DMD: variants seen among roughly 807,000 people sequenced by gnomAD.
DMD encodes the protein dystrophin.
DMD carries 63 observed loss-of-function variants against 330.1 expected under a neutral mutation model. That is an observed-to-expected ratio of 0.19 (90% confidence interval 0.16 to 0.24). DMD has a LOEUF of 0.24. Among genes scored for constraint, DMD ranks in the 10% least tolerant of loss-of-function variants. DMD has a pLI of 1.00. For missense variants in DMD, 3,344 were observed against 2,684.1 expected (o/e 1.25, Z -5.43); for synonymous variants, 1,223 against 959.8 (o/e 1.27, Z -5.07).
At chrX:32,573,076 C>A (rs2052609619) in intron 15 of DMD, among the ~76,000 whole-genome samples, 2 of 111,506 alleles carry the variant, frequency 1.8e-5, no homozygotes, top group South Asian at 7.5e-4. Flanking sequence ...CCAGTTAAAC[C>A]TCTTTATTTC....
chrX:33,034,498 T>C (rs1432898492), intron 1 of DMD, among the ~76,000 whole-genome samples: 4 of 112,051 alleles, frequency 3.6e-5, no homozygotes, highest in Non-Finnish European at 7.5e-5. Context: ...TTTGGATGAA[T>C]GTTCCCACTT....
At chrX:31,652,676 A>G (rs1328647183) in intron 54 of DMD, among the ~76,000 whole-genome samples, 5 of 111,490 alleles carry the variant, frequency 4.5e-5, no homozygotes, top group Admixed American at 9.6e-5. Flanking sequence ...GACCAACAGG[A>G]TCAATGTTAA....
chrX:32,398,265 C>G (rs865817334), intron 30 of DMD, among the ~76,000 whole-genome samples: 8 of 43,860 alleles, frequency 1.8e-4, no homozygotes, highest in African/African-American at 1.3e-3. Flanking sequence ...TTTTTTAAAC[C>G]CCCCCCCCCA....
intron 2 of DMD, among the ~76,000 whole-genome samples, chrX:32,861,491 T>C (rs1314049569): frequency 9.0e-6 from 1 of 111,629 alleles, no homozygotes; most frequent in African/African-American, 3.3e-5. Flanking sequence ...ACTTTGGTAA[T>C]CTGAGAAGAG....
chrX:32,420,390 G>A (rs2098184849), intron 29 of DMD, among the ~76,000 whole-genome samples: 1 of 111,668 alleles, frequency 9.0e-6, no homozygotes, highest in South Asian at 3.7e-4. Flanking sequence ...AAATCAAGTT[G>A]GAAAAGATGA....
intron 56 of DMD, among the ~76,000 whole-genome samples, chrX:31,505,007 A>G (rs377513562): frequency 1.8e-5 from 2 of 112,199 alleles, no homozygotes; most frequent in African/African-American, 6.5e-5. Flanking sequence ...TTTGGCTGAC[A>G]TGCTATTTGC....
intron 44 of DMD, among the ~76,000 whole-genome samples, chrX:32,137,649 G>A (rs1293455508): frequency 1.8e-5 from 2 of 110,429 alleles, no homozygotes; most frequent in African/African-American, 6.6e-5. Context: ...GGACTAGGGA[G>A]TACCTATGCA....
intron 1 of DMD, among the ~76,000 whole-genome samples, chrX:33,047,470 G>A (rs999856297): frequency 8.1e-5 from 9 of 110,891 alleles, no homozygotes; most frequent in African/African-American, 2.9e-4. Flanking sequence ...GCAAATGATG[G>A]ACTATAAAAT....
intron 36 of DMD, among the ~76,000 whole-genome samples, chrX:32,363,430 C>T (rs2097844116): frequency 8.9e-6 from 1 of 111,824 alleles, no homozygotes. Flanking sequence ...CTCTTTATTA[C>T]ATTGAGTGTC....
chrX:32,048,146 C>A (rs2096076542), intron 44 of DMD, among the ~76,000 whole-genome samples: 1 of 96,881 alleles, frequency 1.0e-5, no homozygotes, highest in Non-Finnish European at 2.1e-5. Flanking sequence ...TGCCAGGCAT[C>A]CTAGATATAT....
At chrX:31,389,398 T>C (rs150899670) in intron 60 of DMD, among the ~76,000 whole-genome samples, 44 of 112,470 alleles carry the variant, frequency 3.9e-4, no homozygotes, top group African/African-American at 1.4e-3. Flanking sequence ...TATGGCACTG[T>C]ATTGTAGTCT....
At chrX:32,338,253 A>C (rs2097724796) in intron 41 of DMD, among the ~76,000 whole-genome samples, 1 of 111,519 alleles carries the variant, frequency 9.0e-6, no homozygotes, top group Non-Finnish European at 1.9e-5. Context: ...ATTCAGAGCT[A>C]GCTGGTAGAC....
intron 1 of DMD, among the ~76,000 whole-genome samples, chrX:33,181,334 C>T (rs6631753): frequency 0.14 from 15,416 of 110,023 alleles, 1,455 homozygotes; most frequent in East Asian, 0.41. Context: ...AACCCCAGGC[C>T]AGATAAAACT....
chrX:32,174,899 T>C (rs965959485), intron 44 of DMD, among the ~76,000 whole-genome samples: 10 of 111,452 alleles, frequency 9.0e-5, no homozygotes, highest in Non-Finnish European at 1.9e-4. Context: ...AACCTAGAAA[T>C]ATGTCTGCCT....
chrX:32,419,503 G>T (rs1346329878), intron 29 of DMD, among the ~76,000 whole-genome samples: 1 of 111,948 alleles, frequency 8.9e-6, no homozygotes, highest in Admixed American at 9.5e-5. Flanking sequence ...ATTTAATAGG[G>T]ATATAGGCGG....
chrX:33,009,658 G>A lies in DMD; in HGVS notation c.93+10481C>T, dbSNP rs866505522. Among the ~76,000 whole-genome samples the A allele has an allele frequency of 1.1e-4, 4 of 35,174 alleles. 1 individual carries two copies. The highest frequency in any genetic ancestry group is 4.8e-4 in the African/African-American group (4 of 8,313). 30.5% of individuals were successfully genotyped at this position (35,174 alleles called of 115,157 possible). On this transcript the variant is annotated intron_variant, in intron 2 of 78. Coordinates refer to ENST00000357033, the MANE Select transcript of DMD (RefSeq NM_004006.3). ...TGTATATACACATATGTGTGTATAC[G>A]TGTATATGTGTATACGTATATGTGT...
At chrX:31,429,542 C>G (rs182346955) in intron 60 of DMD, among the ~76,000 whole-genome samples, 3 of 111,945 alleles carry the variant, frequency 2.7e-5, no homozygotes, top group East Asian at 5.6e-4. Context: ...AGCACAGTGG[C>G]CTTAGAGTAG....
At chrX:32,564,648 A>G (rs2051467928) in intron 16 of DMD, among the ~76,000 whole-genome samples, 2 of 112,283 alleles carry the variant, frequency 1.8e-5, no homozygotes, top group African/African-American at 6.5e-5. Context: ...TCTTCAAATT[A>G]TAATTTTTTA....
chrX:32,543,052 A>G (rs933614755), intron 17 of DMD, among the ~76,000 whole-genome samples: 1 of 112,094 alleles, frequency 8.9e-6, no homozygotes, highest in Non-Finnish European at 1.9e-5. Flanking sequence ...GTAGCTGTGT[A>G]TAATTTTATA....
Sources: gnomAD v4.1 joint callset for allele counts (sites outside exome capture counted in the v4.1 genomes callset) on GRCh38, gnomAD v4.1.1 for gene constraint, MANE v1.5 for transcripts, NCBI Gene and HGNC (gene_info 2026-07-23, HGNC 2026-07-21) for gene names.